Variants in ELAVL2 observed in about 807,000 individuals in gnomAD.
The protein encoded by ELAVL2 is ELAV-like protein 2.
In ELAVL2, 4 loss-of-function variants were observed where a neutral mutation model predicts 34.6. The observed-to-expected ratio is 0.12, with a 90% CI of 0.06 to 0.26. The LOEUF (loss-of-function observed/expected upper bound fraction) is 0.26. Among genes scored for constraint, ELAVL2 ranks in the 10% least tolerant of loss-of-function variants. ELAVL2 has a pLI of 1.00. For synonymous variants in ELAVL2, 193 were observed against 154.8 expected (o/e 1.25, Z -1.83); for missense variants, 432 against 442.8 (o/e 0.98, Z 0.22).
intron 2 of ELAVL2, among the ~76,000 whole-genome samples, chr9:23,742,587 T>C (rs1305619470): frequency 6.6e-6 from 1 of 152,174 alleles, no homozygotes; most frequent in African/African-American, 2.4e-5. Context: ...TCATAAAGTA[T>C]CTGCTATAGA....
intron 3 of ELAVL2, among the ~76,000 whole-genome samples, chr9:23,717,139 A>C (rs2042517320): frequency 1.3e-5 from 2 of 152,204 alleles, no homozygotes; most frequent in South Asian, 4.1e-4. Context: ...ACTAGAAGAA[A>C]AACTGCTTTG....
At chr9:23,833,280 A>G in the ELAVL2 span, among the ~76,000 whole-genome samples, 5 of 151,856 alleles carry the variant, frequency 3.3e-5, no homozygotes, top group East Asian at 1.9e-4. Flanking sequence ...ATTATCTCCA[A>G]TAATCCCATA....
At position 23,762,070 on chromosome 9, in the gene ELAVL2, T is replaced by C. The variant is rs765725893; in HGVS notation, c.165A>G (p.Leu55=). The part of the protein sequence containing the change: ...YLPQNMTQEE[L]KSLFGSIGEI... ...CACCAATGCTCCCAAAGAGACTCTT[T>C]AGTTCCTCCTGTGTCATGTTCTGAG... The change falls in exon 2 of 7, where the codon CTA becomes CTG. Residue 55 remains leucine, a synonymous_variant. Transcript: ENST00000397312. The C allele has an allele frequency of 2.5e-6, 4 of 1,613,352 alleles. No individual in the cohort carries two copies. The highest frequency in any genetic ancestry group is 1.7e-5 in the Admixed American group (1 of 59,946).
At chr9:23,738,752 C>A (rs1171875543) in intron 2 of ELAVL2, among the ~76,000 whole-genome samples, 1 of 152,138 alleles carries the variant, frequency 6.6e-6, no homozygotes, top group Non-Finnish European at 1.5e-5. Context: ...ATCAAAGCTG[C>A]AAATAGTGAT....
chr9:23,791,491 G>T (rs1444035046), intron 1 of ELAVL2, among the ~76,000 whole-genome samples: 2 of 152,166 alleles, frequency 1.3e-5, no homozygotes, highest in Non-Finnish European at 2.9e-5. Flanking sequence ...AGTAGTTTCA[G>T]TAGAAACGGT....
intron 1 of ELAVL2, among the ~76,000 whole-genome samples, chr9:23,824,156 C>A (rs1431390752): frequency 6.6e-6 from 1 of 152,118 alleles, no homozygotes; most frequent in African/African-American, 2.4e-5. Context: ...CCGGTAATTA[C>A]GAGAAAATAC....
intron 1 of ELAVL2, among the ~76,000 whole-genome samples, chr9:23,798,833 A>T (rs2061265958): frequency 6.6e-6 from 1 of 152,120 alleles, no homozygotes; most frequent in Non-Finnish European, 1.5e-5. Context: ...AATTAAATTC[A>T]TTATCTTAAA....
intron 3 of ELAVL2, among the ~76,000 whole-genome samples, chr9:23,715,027 T>C (rs930566283): frequency 1.3e-5 from 2 of 152,132 alleles, no homozygotes; most frequent in African/African-American, 4.8e-5. Context: ...ATTCAAAGCT[T>C]TTATATTACT....
the ELAVL2 span, among the ~76,000 whole-genome samples, chr9:23,835,077 T>C: frequency 4.6e-5 from 7 of 152,038 alleles, no homozygotes; most frequent in African/African-American, 1.4e-4. Flanking sequence ...TTCCCGGATG[T>C]CAGTCTTTCT....
chr9:23,742,593 A>G (rs1005370793), intron 2 of ELAVL2, among the ~76,000 whole-genome samples: 8 of 152,218 alleles, frequency 5.3e-5, no homozygotes, highest in Admixed American at 2.6e-4. Flanking sequence ...AGTATCTGCT[A>G]TAGACCGATA....
intron 3 of ELAVL2, among the ~76,000 whole-genome samples, chr9:23,717,581 A>G (rs1355654629): frequency 6.6e-6 from 1 of 152,206 alleles, no homozygotes; most frequent in African/African-American, 2.4e-5. Flanking sequence ...ACATTCCCTT[A>G]TGTGTAATAC....
chr9:23,704,895 G>C (rs2038798467), intron 4 of ELAVL2, 23 bp downstream of exon 4: 1 of 1,613,452 alleles, frequency 6.2e-7, no homozygotes, highest in East Asian at 2.2e-5. Flanking sequence ...GGGAAAGACT[G>C]TCCGGAGTGG....
In ELAVL2 at chr9:23,739,246, C is replaced by G. The variant is rs796852263; in HGVS notation, c.230-8121G>C. ...AAAGAAAGTGACTGAGATAGTGTAG[C>G]ACGCTCAGCACCACAATGAAAACAA... On this transcript the variant is annotated intron_variant, in intron 2 of 6. Transcript: ENST00000397312. Among the ~76,000 whole-genome samples, 37 of 152,264 alleles carry G rather than the reference C, an allele frequency of 2.4e-4. 1 individual carries two copies. Among genetic ancestry groups the G allele is most frequent in the African/African-American group, 8.9e-4 (37 of 41,562 alleles).
chr9:23,786,490 C>T (rs4977890), intron 1 of ELAVL2, among the ~76,000 whole-genome samples: 14,762 of 151,536 alleles, frequency 0.097, 1,007 homozygotes, highest in Admixed American at 0.18. Context: ...AACTTGAGGG[C>T]GAGAGTCTCT....
At chr9:23,783,485 G>T (rs963496269) in intron 1 of ELAVL2, 5 of 985,280 alleles carry the variant, frequency 5.1e-6, no homozygotes, top group East Asian at 1.1e-4. Flanking sequence ...AAACAACGAG[G>T]TTCATTATTG....
chr9:23,804,016 G>A (rs1469533763), intron 1 of ELAVL2, among the ~76,000 whole-genome samples: 2 of 152,144 alleles, frequency 1.3e-5, no homozygotes, highest in African/African-American at 4.8e-5. Flanking sequence ...TGTAGGAAAA[G>A]TGCAAATCTA....
intron 1 of ELAVL2, among the ~76,000 whole-genome samples, chr9:23,787,540 A>G (rs770290479): frequency 3.3e-5 from 5 of 150,656 alleles, no homozygotes; most frequent in African/African-American, 9.7e-5. Flanking sequence ...CCTCATCCCT[A>G]TTTTTCAAAT....
At chr9:23,740,271 A>G (rs971103578) in intron 2 of ELAVL2, among the ~76,000 whole-genome samples, 2 of 152,166 alleles carry the variant, frequency 1.3e-5, no homozygotes, top group South Asian at 4.1e-4. Context: ...TACATTACAT[A>G]TATCACATTT....
rs554233335 is a variant in ELAVL2, at chr9:23,818,764, A to C, written c.-16+7042T>G. On this transcript the variant is annotated intron_variant, in intron 1 of 6. Transcript: ENST00000397312. ...TTAATAAGACATCAAATGGGAGCGA[A>C]AATACTGATGCTACCATGCAGACAA... Among the ~76,000 whole-genome samples, 3 of 152,352 alleles carry C rather than the reference A, an allele frequency of 2.0e-5. No individual in the cohort carries two copies. The South Asian group carries it at 6.2e-4, about 32-fold the overall frequency.
Sources: gnomAD v4.1 joint callset for allele counts (sites outside exome capture counted in the v4.1 genomes callset) on GRCh38, gnomAD v4.1.1 for gene constraint, MANE v1.5 for transcripts, NCBI Gene and HGNC (gene_info 2026-07-23, HGNC 2026-07-21) for gene names.